Variants in SLC60A2 observed in about 807,000 individuals in gnomAD.
The protein encoded by SLC60A2 is major facilitator superfamily domain containing 4B.
the SLC60A2 span, chr6:111,262,367 G>A: frequency 2.5e-6 from 4 of 1,614,000 alleles, no homozygotes; most frequent in East Asian, 2.2e-5. Context: ...TGGGATATTT[G>A]AGTGGCTCTG....
chr6:111,261,774 A>G, the SLC60A2 span, among the ~76,000 whole-genome samples: 2 of 151,808 alleles, frequency 1.3e-5, no homozygotes, highest in Admixed American at 6.6e-5. Context: ...TTGTATTTTT[A>G]GTAGAGATGG....
chr6:111,264,473 G>A, the SLC60A2 span, among the ~76,000 whole-genome samples: 2 of 151,922 alleles, frequency 1.3e-5, no homozygotes, highest in Non-Finnish European at 1.5e-5. Context: ...ATTCTTTCCC[G>A]TATCATCATC....
chr6:111,259,581 G>A, the SLC60A2 span: 3 of 1,125,136 alleles, frequency 2.7e-6, 1 homozygote, highest in Non-Finnish European at 3.7e-6. Flanking sequence ...GCCCCCGGCT[G>A]CGGGGCAGCG....
chr6:111,277,212 A>G, the SLC60A2 span, among the ~76,000 whole-genome samples: 3 of 152,254 alleles, frequency 2.0e-5, no homozygotes. Flanking sequence ...CGATACCTGA[A>G]TGGGATGAAA....
the SLC60A2 span, among the ~76,000 whole-genome samples, chr6:111,260,188 G>A: frequency 2.0e-5 from 3 of 152,210 alleles, no homozygotes; most frequent in East Asian, 3.9e-4. Flanking sequence ...TGGGATTACC[G>A]GCGTGAGCCA....
chr6:111,267,096 A>G, the SLC60A2 span: 47 of 1,610,650 alleles, frequency 2.9e-5, no homozygotes, highest in Non-Finnish European at 3.0e-5. Context: ...GCCAGAAACC[A>G]GGACAAAAGG....
the SLC60A2 span, among the ~76,000 whole-genome samples, chr6:111,277,389 C>G: frequency 6.6e-6 from 1 of 152,222 alleles, no homozygotes; most frequent in Admixed American, 6.5e-5. Context: ...AAGATTTCTA[C>G]TTGAGTGAGC....
chr6:111,260,491 A>G, the SLC60A2 span, among the ~76,000 whole-genome samples: 2 of 152,166 alleles, frequency 1.3e-5, no homozygotes, highest in African/African-American at 4.8e-5. Flanking sequence ...CCACCATCCT[A>G]TTTATTAATA....
chr6:111,279,978 T>A, the SLC60A2 span, among the ~76,000 whole-genome samples: 1 of 152,204 alleles, frequency 6.6e-6, no homozygotes, highest in Non-Finnish European at 1.5e-5. Flanking sequence ...ATATAAAAAC[T>A]TGTTTGAATA....
At chr6:111,276,259 T>C in the SLC60A2 span, among the ~76,000 whole-genome samples, 3 of 152,246 alleles carry the variant, frequency 2.0e-5, no homozygotes, top group Non-Finnish European at 2.9e-5. Context: ...TTTGAGATCT[T>C]GTTTTCAGTT....
chr6:111,272,283 G>A, the SLC60A2 span, among the ~76,000 whole-genome samples: 7 of 151,992 alleles, frequency 4.6e-5, no homozygotes, highest in African/African-American at 1.4e-4. Context: ...GATTACATGC[G>A]TGAGCCACCA....
At chr6:111,275,601 G>T in the SLC60A2 span, among the ~76,000 whole-genome samples, 1 of 151,916 alleles carries the variant, frequency 6.6e-6, no homozygotes, top group Non-Finnish European at 1.5e-5. Flanking sequence ...GTAAAAACAG[G>T]GTTTCACAAT....
At chr6:111,275,939 G>A in the SLC60A2 span, among the ~76,000 whole-genome samples, 12 of 152,082 alleles carry the variant, frequency 7.9e-5, no homozygotes, top group South Asian at 6.2e-4. Flanking sequence ...GCCATTCTAC[G>A]CCCCCATCCC....
At chr6:111,273,623 C>T in the SLC60A2 span, among the ~76,000 whole-genome samples, 2 of 151,432 alleles carry the variant, frequency 1.3e-5, no homozygotes, top group Non-Finnish European at 2.9e-5. Flanking sequence ...TGGTCTAAAT[C>T]TAATGTTTCT....
At chr6:111,270,432 C>T in the SLC60A2 span, 2 of 152,210 alleles carry the variant, frequency 1.3e-5, no homozygotes, top group South Asian at 2.1e-4. Context: ...CCTGTAATCC[C>T]AGCTACTCAG....
the SLC60A2 span, chr6:111,266,377 C>A: frequency 1.2e-6 from 2 of 1,614,026 alleles, no homozygotes; most frequent in Non-Finnish European, 1.7e-6. Flanking sequence ...GGGTTGAACT[C>A]CATCTTCTGG....
chr6:111,269,257 T>G, the SLC60A2 span: 1 of 152,288 alleles, frequency 6.6e-6, no homozygotes, highest in African/African-American at 2.4e-5. Flanking sequence ...TGGAGTGCAA[T>G]GACGTGATCT....
the SLC60A2 span, among the ~76,000 whole-genome samples, chr6:111,273,522 T>C: frequency 1.6e-4 from 23 of 148,348 alleles, no homozygotes; most frequent in Non-Finnish European, 2.8e-4. Context: ...TTGTTTAACA[T>C]GTGGTCTATC....
chr6:111,274,156 A>G, the SLC60A2 span, among the ~76,000 whole-genome samples: 5 of 152,180 alleles, frequency 3.3e-5, no homozygotes, highest in Non-Finnish European at 7.3e-5. Context: ...CTTGAAATAT[A>G]AGAATATTGG....
Sources: gnomAD v4.1 joint callset for allele counts (sites outside exome capture counted in the v4.1 genomes callset) on GRCh38, gnomAD v4.1.1 for gene constraint, MANE v1.5 for transcripts, NCBI Gene and HGNC (gene_info 2026-07-23, HGNC 2026-07-21) for gene names.